NSMCE2: variants seen among roughly 807,000 people sequenced by gnomAD.
NSMCE2 encodes the protein NSE2 SUMO ligase component of SMC5/6 complex.
A neutral mutation model predicts 23.8 loss-of-function variants in NSMCE2; 24 were observed. That is an observed-to-expected ratio of 1.01 (90% CI 0.73 to 1.42). The LOEUF (loss-of-function observed/expected upper bound fraction) is 1.42, where lower values mean the gene tolerates loss of function less well. Among genes scored for constraint, NSMCE2 ranks in the 40% most tolerant of loss-of-function variants. The probability of loss-of-function intolerance (pLI) is 0.00; values close to 1 mark genes in which losing one functional copy is unlikely to be tolerated. For missense variants in NSMCE2, 284 were observed against 296.5 expected (o/e 0.96, Z 0.31); for synonymous variants, 92 against 94.1 (o/e 0.98, Z 0.13).
intron 5 of NSMCE2, among the ~76,000 whole-genome samples, chr8:125,255,453 C>A (rs892469462): frequency 2.0e-5 from 3 of 152,068 alleles, no homozygotes; most frequent in Non-Finnish European, 4.4e-5. Flanking sequence ...AAGGAAGACT[C>A]CCTCAATGAA....
intron 5 of NSMCE2, among the ~76,000 whole-genome samples, chr8:125,205,880 T>A: frequency 6.6e-6 from 1 of 152,188 alleles, no homozygotes; most frequent in Admixed American, 6.5e-5. Context: ...ATAATTATAA[T>A]CAATTGAATT....
intron 4 of NSMCE2, among the ~76,000 whole-genome samples, chr8:125,152,153 T>C (rs1821070540): frequency 6.6e-6 from 1 of 152,254 alleles, no homozygotes; most frequent in Non-Finnish European, 1.5e-5. Flanking sequence ...TATTTAACTA[T>C]AGTATTTGAC....
At chr8:125,345,735 G>A (rs1051978250) in intron 5 of NSMCE2, among the ~76,000 whole-genome samples, 2 of 152,222 alleles carry the variant, frequency 1.3e-5, no homozygotes, top group African/African-American at 2.4e-5. Context: ...ACAAACTAAT[G>A]TGCTAAATAT....
intron 5 of NSMCE2, among the ~76,000 whole-genome samples, chr8:125,319,012 G>T (rs1829319603): frequency 6.6e-6 from 1 of 152,112 alleles, no homozygotes; most frequent in Non-Finnish European, 1.5e-5. Flanking sequence ...CCAAGGCCAG[G>T]GAAAGAGCTA....
At chr8:125,214,182 AG>A (rs1366565574) in intron 5 of NSMCE2, among the ~76,000 whole-genome samples, 1 of 152,206 alleles carries the variant, frequency 6.6e-6, no homozygotes, top group African/African-American at 2.4e-5. Flanking sequence ...GATAAATACC[AG>A]GTTGGTAGGC....
At chr8:125,107,630 C>T (rs1179896362) in intron 3 of NSMCE2, among the ~76,000 whole-genome samples, 1 of 152,154 alleles carries the variant, frequency 6.6e-6, no homozygotes, top group African/African-American at 2.4e-5. Flanking sequence ...GTTTTTTCCA[C>T]AATTGCTTTT....
chr8:125,176,227 C>A (rs1263532366), intron 4 of NSMCE2, among the ~76,000 whole-genome samples: 5 of 152,166 alleles, frequency 3.3e-5, no homozygotes, highest in South Asian at 4.1e-4. Context: ...TTGGAGTCAG[C>A]CTTTGCGCAT....
chr8:125,114,058 C>G (rs1033093809), intron 3 of NSMCE2, among the ~76,000 whole-genome samples: 3 of 152,178 alleles, frequency 2.0e-5, no homozygotes, highest in African/African-American at 7.2e-5. Flanking sequence ...CCTATAAGCA[C>G]ATGATCTTCT....
At chr8:125,103,271 A>C (rs1009764117) in intron 3 of NSMCE2, among the ~76,000 whole-genome samples, 1 of 151,734 alleles carries the variant, frequency 6.6e-6, no homozygotes, top group African/African-American at 2.4e-5. Flanking sequence ...GAGCCACTGC[A>C]CTCCAGTCTG....
At chr8:125,166,417 C>A (rs934402607) in intron 4 of NSMCE2, among the ~76,000 whole-genome samples, 16 of 152,086 alleles carry the variant, frequency 1.1e-4, no homozygotes, top group African/African-American at 3.9e-4. Flanking sequence ...CAAGTGCGTA[C>A]CACCACACCT....
At chr8:125,339,447 G>C (rs888869894) in intron 5 of NSMCE2, among the ~76,000 whole-genome samples, 2 of 152,094 alleles carry the variant, frequency 1.3e-5, no homozygotes, top group African/African-American at 2.4e-5. Context: ...GGTTGGAAGA[G>C]GAAGCATGCA....
intron 3 of NSMCE2, among the ~76,000 whole-genome samples, chr8:125,130,537 A>G (rs1210951033): frequency 1.3e-5 from 2 of 151,980 alleles, no homozygotes; most frequent in African/African-American, 2.4e-5. Flanking sequence ...AGGATCAGCT[A>G]TTTTTCCAAG....
At chr8:125,283,269 C>A (rs557450341) in intron 5 of NSMCE2, among the ~76,000 whole-genome samples, 1 of 152,298 alleles carries the variant, frequency 6.6e-6, no homozygotes, top group African/African-American at 2.4e-5. Context: ...AGATCTGGGG[C>A]TAGGCATGGT....
At chr8:125,171,489 G>T (rs1459133645) in intron 4 of NSMCE2, among the ~76,000 whole-genome samples, 2 of 152,128 alleles carry the variant, frequency 1.3e-5, no homozygotes, top group African/African-American at 4.8e-5. Context: ...AATAGCATAG[G>T]ATGTATTCAT....
chr8:125,102,488 G>GT lies in NSMCE2; in HGVS notation c.157+2dup, dbSNP rs1371752041. 1 of 1,612,748 alleles carries GT rather than the reference G, an allele frequency of 6.2e-7. No homozygotes were observed. The highest frequency in any genetic ancestry group is 8.5e-7 in the Non-Finnish European group (1 of 1,178,944). Reference sequence around the variant, plus strand: ...GCTTTGGATCTTGTGGAAAGTCAGAGTAAGTAAAATTAAAACCTCTTTTGT... The same window carrying GT: ...GCTTTGGATCTTGTGGAAAGTCAGAGTTAAGTAAAATTAAAACCTCTTTTGT... On this transcript the variant is annotated splice_donor_variant, in intron 3 of 7. Coordinates refer to ENST00000287437, the MANE Select transcript of NSMCE2 (RefSeq NM_173685.4). LOFTEE classifies it high-confidence loss of function.
At chr8:125,249,246 G>A (rs892334579) in intron 5 of NSMCE2, among the ~76,000 whole-genome samples, 3 of 151,682 alleles carry the variant, frequency 2.0e-5, no homozygotes, top group African/African-American at 7.3e-5. Flanking sequence ...ATACTGTTTC[G>A]AACATGGTTC....
At chr8:125,272,319 G>A (rs1003117212) in intron 5 of NSMCE2, among the ~76,000 whole-genome samples, 6 of 151,552 alleles carry the variant, frequency 4.0e-5, no homozygotes, top group Non-Finnish European at 8.8e-5. Context: ...CGGCAAATCT[G>A]CAGTTTCTTC....
chr8:125,296,804 G>A (rs1828347669), intron 5 of NSMCE2, among the ~76,000 whole-genome samples: 1 of 152,144 alleles, frequency 6.6e-6, no homozygotes, highest in Admixed American at 6.6e-5. Flanking sequence ...TCAAGGCTGG[G>A]CATTCCTGCA....
chr8:125,322,016 TA>T (rs201533754), intron 5 of NSMCE2, among the ~76,000 whole-genome samples: 2,414 of 152,366 alleles, frequency 0.016, 17 homozygotes, highest in Middle Eastern at 0.024. Context: ...TTCACATCAA[TA>T]TTTTTTTGTT....
Sources: allele counts gnomAD v4.1 joint callset (sites outside exome capture counted in the v4.1 genomes callset), GRCh38; gene constraint gnomAD v4.1.1; transcripts MANE v1.5; gene names NCBI Gene and HGNC (gene_info 2026-07-23, HGNC 2026-07-21).